ITGBL1: variants seen among roughly 807,000 people sequenced by gnomAD.
ITGBL1 encodes the protein integrin beta-like protein 1.
Under a neutral mutation model 68.5 loss-of-function variants are expected in ITGBL1, and 51 were observed. The ratio of observed to expected loss-of-function variants is 0.74; its 90% CI spans 0.59 to 0.94. The LOEUF (loss-of-function observed/expected upper bound fraction) is 0.94, where lower values mean the gene tolerates loss of function less well. ITGBL1 is among the 40% of genes least tolerant of loss of function. The pLI is 0.00. For synonymous variants in ITGBL1, 209 were observed against 227.3 expected (o/e 0.92, Z 0.72); for missense variants, 649 against 647.4 (o/e 1.00, Z -0.03).
At chr13:101,656,778 C>T (rs1424963630) in intron 7 of ITGBL1, among the ~76,000 whole-genome samples, 1 of 152,038 alleles carries the variant, frequency 6.6e-6, no homozygotes, top group Non-Finnish European at 1.5e-5. Context: ...TGTAATACAT[C>T]GATTGCAGCT....
chr13:101,470,800 T>C (rs2048446403), intron 2 of ITGBL1, among the ~76,000 whole-genome samples: 1 of 152,162 alleles, frequency 6.6e-6, no homozygotes, highest in Non-Finnish European at 1.5e-5. Context: ...ATTATAATCA[T>C]CCTATATGCT....
intron 6 of ITGBL1, among the ~76,000 whole-genome samples, chr13:101,596,784 A>G (rs2029997543): frequency 6.6e-6 from 1 of 152,198 alleles, no homozygotes. Flanking sequence ...GAGGAATCTT[A>G]GATGCATATT....
chr13:101,627,351 T>C (rs1421493818), intron 7 of ITGBL1, among the ~76,000 whole-genome samples: 1 of 152,002 alleles, frequency 6.6e-6, no homozygotes, highest in African/African-American at 2.4e-5. Context: ...TACAGGGAGA[T>C]CCCATATACT....
At chr13:101,526,158 T>TTC (rs1369736136) in intron 2 of ITGBL1, among the ~76,000 whole-genome samples, 1 of 77,298 alleles carries the variant, frequency 1.3e-5, no homozygotes. Context: ...TCTTCTTCTT[T>TTC]TTTTTTTTTT....
chr13:101,711,405 AAAAGAG>A (rs1412774659), intron 9 of ITGBL1: 1 of 152,388 alleles, frequency 6.6e-6, no homozygotes, highest in Non-Finnish European at 1.5e-5. Context: ...ACATCCCCAG[AAAAGAG>A]AAAGAGTGAA....
In ITGBL1 at chr13:101,552,894, G is replaced by C. The variant is rs998122838; in HGVS notation, c.317-14805G>C. ...TGTTAGCCATTTCACAAATTTATTT[G>C]AAGGAGCAGTAAAAATGTTCTCTCT... On this transcript the variant is annotated intron_variant, in intron 2 of 10. Coordinates refer to ENST00000376180, the MANE Select transcript of ITGBL1 (RefSeq NM_004791.3). 8.5e-5 allele frequency among the ~76,000 whole-genome samples: 13 copies of C among 152,256 alleles called. 1 individual carries two copies. The Middle Eastern group carries it at 0.01, about 120-fold the overall frequency.
At chr13:101,681,312 G>A (rs1309826864) in intron 7 of ITGBL1, among the ~76,000 whole-genome samples, 4 of 152,034 alleles carry the variant, frequency 2.6e-5, no homozygotes, top group Non-Finnish European at 5.9e-5. Context: ...TGTGCGTGTT[G>A]CATATTCAGT....
At chr13:101,602,738 T>A (rs918542499) in intron 7 of ITGBL1, among the ~76,000 whole-genome samples, 1 of 152,030 alleles carries the variant, frequency 6.6e-6, no homozygotes, top group Non-Finnish European at 1.5e-5. Flanking sequence ...CATTCTCTTG[T>A]CCCAGAACCC....
At chr13:101,627,237 C>T (rs2031817114) in intron 7 of ITGBL1, among the ~76,000 whole-genome samples, 1 of 151,984 alleles carries the variant, frequency 6.6e-6, no homozygotes, top group Non-Finnish European at 1.5e-5. Context: ...GGAATTATGA[C>T]CACAGACCAT....
At chr13:101,507,633 C>T (rs916560106) in intron 2 of ITGBL1, among the ~76,000 whole-genome samples, 1 of 152,052 alleles carries the variant, frequency 6.6e-6, no homozygotes, top group South Asian at 2.1e-4. Context: ...TTTTATACAG[C>T]GTCATTTCTG....
chr13:101,560,054 G>A (rs1431248385), intron 2 of ITGBL1, among the ~76,000 whole-genome samples: 1 of 152,086 alleles, frequency 6.6e-6, no homozygotes, highest in Non-Finnish European at 1.5e-5. Context: ...TGAGAAGCAA[G>A]CCAGGGACTG....
chr13:101,616,113 T>C (rs896312358), intron 7 of ITGBL1, among the ~76,000 whole-genome samples: 1 of 152,178 alleles, frequency 6.6e-6, no homozygotes, highest in African/African-American at 2.4e-5. Context: ...CAGTAGAATG[T>C]AGTAAATGCT....
chr13:101,629,755 G>A (rs1482067480), intron 7 of ITGBL1, among the ~76,000 whole-genome samples: 1 of 152,078 alleles, frequency 6.6e-6, no homozygotes, highest in Non-Finnish European at 1.5e-5. Context: ...GACTACTATA[G>A]GAATTGATTA....
chr13:101,541,735 C>T (rs1241241650), intron 2 of ITGBL1, among the ~76,000 whole-genome samples: 1 of 152,084 alleles, frequency 6.6e-6, no homozygotes, highest in Non-Finnish European at 1.5e-5. Context: ...ATTTCAGAGC[C>T]TATTATTGGT....
At chr13:101,621,233 G>C (rs1271448911) in intron 7 of ITGBL1, among the ~76,000 whole-genome samples, 1 of 152,100 alleles carries the variant, frequency 6.6e-6, no homozygotes, top group East Asian at 1.9e-4. Context: ...CTCCATCCCA[G>C]GCATCCTTCC....
At chr13:101,649,430 G>T (rs1225204250) in intron 7 of ITGBL1, among the ~76,000 whole-genome samples, 1 of 151,958 alleles carries the variant, frequency 6.6e-6, no homozygotes, top group Non-Finnish European at 1.5e-5. Context: ...TAGACTATAA[G>T]GTCAATGTAA....
intron 2 of ITGBL1, among the ~76,000 whole-genome samples, chr13:101,526,158 T>C (rs78865250): frequency 3.9e-5 from 3 of 77,298 alleles, no homozygotes; most frequent in Admixed American, 1.4e-4. Context: ...TCTTCTTCTT[T>C]TTTTTTTTTT....
chr13:101,607,564 G>T (rs751951036), intron 7 of ITGBL1, among the ~76,000 whole-genome samples: 76 of 151,936 alleles, frequency 5.0e-4, no homozygotes, highest in Non-Finnish European at 1.0e-4. Flanking sequence ...CAGGATTCAT[G>T]TACAAATCTC....
chr13:101,470,116 TC>T (rs1249610410), intron 2 of ITGBL1, among the ~76,000 whole-genome samples: 3 of 152,180 alleles, frequency 2.0e-5, no homozygotes, highest in Non-Finnish European at 2.9e-5. Flanking sequence ...GAGCTGGATC[TC>T]CAGTTACTGT....
Sources: gnomAD v4.1 joint callset for allele counts (sites outside exome capture counted in the v4.1 genomes callset) on GRCh38, gnomAD v4.1.1 for gene constraint, MANE v1.5 for transcripts, NCBI Gene and HGNC (gene_info 2026-07-23, HGNC 2026-07-21) for gene names.